FMO5: variants seen among roughly 807,000 people sequenced by gnomAD.
FMO5 encodes flavin containing dimethylaniline monoxygenase 5, also known as flavin-containing monooxygenase 5.
In FMO5, 51 loss-of-function variants were observed where a neutral mutation model predicts 43.6. That is an observed-to-expected ratio of 1.17 (90% CI 0.93 to 1.48). FMO5 has a LOEUF of 1.48. Ranked by LOEUF, FMO5 falls within the 40% of genes most tolerant of loss-of-function variation. The pLI, the probability that FMO5 is intolerant of heterozygous loss-of-function variation, is 0.00. For missense variants in FMO5, 644 were observed against 643.0 expected, an observed-to-expected ratio of 1.00 and a Z score of -0.02; for synonymous variants, 187 against 216.5, an observed-to-expected ratio of 0.86 and a Z score of 1.20.
At chr1:147,204,426 C>G (rs1659597621) in intron 6 of FMO5, 1 of 1,183,540 alleles carries the variant, frequency 8.4e-7, no homozygotes, top group African/African-American at 1.5e-5. Flanking sequence ...ATTGTTTACA[C>G]ATTACAGAGG....
upstream of FMO5, among the ~76,000 whole-genome samples, chr1:147,226,735 A>C (rs1221607845): frequency 2.0e-5 from 3 of 152,210 alleles, no homozygotes; most frequent in Non-Finnish European, 2.9e-5. Context: ...GGACTTTTTC[A>C]TGAGAGGCAA....
chr1:147,214,459 C>A (rs1308200819), intron 3 of FMO5, among the ~76,000 whole-genome samples: 19 of 149,206 alleles, frequency 1.3e-4, no homozygotes, highest in African/African-American at 2.7e-4. Flanking sequence ...TGAAAAAAAA[C>A]AAAAAACAAA....
At chr1:147,218,555 T>G (rs1460795356) in intron 2 of FMO5, among the ~76,000 whole-genome samples, 1 of 152,144 alleles carries the variant, frequency 6.6e-6, no homozygotes, top group Non-Finnish European at 1.5e-5. Context: ...AGAATTTACC[T>G]TCCACACCAC....
intron 5 of FMO5, among the ~76,000 whole-genome samples, chr1:147,212,027 T>C (rs989170775): frequency 1.2e-4 from 19 of 152,206 alleles, no homozygotes; most frequent in African/African-American, 3.4e-4. Flanking sequence ...TGCTGGCCAA[T>C]TGAAGATCCT....
intron 3 of FMO5, among the ~76,000 whole-genome samples, chr1:147,214,117 T>A (rs1001607631): frequency 2.6e-5 from 4 of 152,284 alleles, no homozygotes; most frequent in Middle Eastern, 3.4e-3. Flanking sequence ...CACTATGTGC[T>A]TCTACGGGCC....
rs376305166 is a variant in FMO5 at position 147,212,431 on chromosome 1, C to T, written c.592G>A (p.Gly198Arg). ...VIIIGIGNSG[G>R]DLAVEISQTA... ...TGGCTAATCTCTACAGCCAGATCCCCTCCAGAATTCCCAATGCCAATTATA... is the reference window on the plus strand; with the variant it reads ...TGGCTAATCTCTACAGCCAGATCCCTTCCAGAATTCCCAATGCCAATTATA... The change falls in exon 5 of 9, where the codon GGG becomes AGG. Residue 198 changes from glycine (G) to arginine (R), a missense_variant. Coordinates refer to ENST00000254090, the MANE Select transcript of FMO5 (RefSeq NM_001461.4). 10 of 1,614,154 alleles carry T rather than the reference C, an allele frequency of 6.2e-6. No individual in the cohort carries two copies. Among genetic ancestry groups the T allele is most frequent in the Non-Finnish European group, 8.5e-6 (10 of 1,179,994 alleles).
Position 147,224,886 on chromosome 1 carries a change from T to C in FMO5, c.135+9A>G. On this transcript the variant is annotated intron_variant, in intron 2 of 8. Transcript: ENST00000254090. Reference sequence around the variant, plus strand: ...TTTCAAGTATTAAGGGACTAGGAGATGTATGTACCTGGAACCTCCAGAGCC... The same window carrying C: ...TTTCAAGTATTAAGGGACTAGGAGACGTATGTACCTGGAACCTCCAGAGCC... 1 of 1,613,356 alleles carries C rather than the reference T, an allele frequency of 6.2e-7. No individual in the cohort carries two copies.
chr1:147,185,489 C>T (rs916994263), downstream of FMO5, among the ~76,000 whole-genome samples: 5 of 152,026 alleles, frequency 3.3e-5, no homozygotes, highest in Non-Finnish European at 5.9e-5. Context: ...AAAGTAATAC[C>T]AGTTCTCAGT....
intron 6 of FMO5, chr1:147,204,190 G>T: frequency 1.5e-6 from 2 of 1,359,554 alleles, no homozygotes; most frequent in Non-Finnish European, 2.1e-6. Flanking sequence ...CTGTTATCAT[G>T]CCATCAAAAG....
intron 5 of FMO5, 150 bp downstream of exon 5, chr1:147,212,243 C>G: frequency 2.7e-6 from 2 of 733,942 alleles, no homozygotes; most frequent in Non-Finnish European, 2.2e-6. Flanking sequence ...ATGTTGCCAA[C>G]TGAGGTAATG....
upstream of FMO5, chr1:147,225,900 C>T (rs1663939022): frequency 6.6e-6 from 1 of 152,138 alleles, no homozygotes; most frequent in African/African-American, 2.4e-5. Context: ...TAAAGGCTTA[C>T]AACTTTAAGG....
At chr1:147,187,293 T>C (rs148161239) in intron 8 of FMO5, 48 bp from the exon 9 acceptor site, 69 of 1,402,332 alleles carry the variant, frequency 4.9e-5, no homozygotes, top group Middle Eastern at 3.7e-4. Context: ...ATTCAATCAG[T>C]CAGTCAATCA....
In FMO5 at chr1:147,213,388, T is replaced by C. The variant is rs868940730; in HGVS notation, c.407A>G (p.Lys136Arg). The change falls in exon 4 of 9, where the codon AAG becomes AGG. Residue 136 changes from lysine (K) to arginine (R), a missense_variant. Coordinates refer to ENST00000254090, the MANE Select transcript of FMO5 (RefSeq NM_001461.4). ...GACTCCATCAAAGACATTCATCTCC[T>C]TTTTCCCTTCAGATTCAGTGACCAC... ...WEVVTESEGK[K>R]EMNVFDGVMV... The C allele has an allele frequency of 6.2e-7, 1 of 1,612,610 alleles. No homozygotes were observed. Among genetic ancestry groups the C allele is most frequent in the Non-Finnish European group, 8.5e-7 (1 of 1,179,146 alleles).
intron 6 of FMO5, among the ~76,000 whole-genome samples, chr1:147,201,803 G>A (rs1203313652): frequency 6.6e-6 from 1 of 152,118 alleles, no homozygotes; most frequent in Non-Finnish European, 1.5e-5. Context: ...GATATGATAA[G>A]GCCACAGGTC....
Position 147,221,649 on chromosome 1 carries a change from G to T in FMO5, c.135+3246C>A, listed in dbSNP as rs1663031649. Among the ~76,000 whole-genome samples the T allele has an allele frequency of 2.0e-5, 3 of 152,168 alleles. No homozygotes were observed. The South Asian group carries it at 6.2e-4, about 31-fold the overall frequency. The stretch of plus-strand genomic sequence containing the variant: ...CTTTATGAGGTACTGATAAATGCAA[G>T]TCTGTATGTGTATTCCAAAAGTTCA... On this transcript the variant is annotated intron_variant, in intron 2 of 8. Coordinates refer to ENST00000254090, the MANE Select transcript of FMO5 (RefSeq NM_001461.4).
In FMO5 at chr1:147,186,862, G is replaced by C; in HGVS notation, c.*38C>G. 1 of 1,577,872 alleles carries C rather than the reference G, an allele frequency of 6.3e-7. No individual in the cohort carries two copies. Among genetic ancestry groups the C allele is most frequent in the South Asian group, 1.2e-5 (1 of 84,100 alleles). On this transcript the variant is annotated 3_prime_UTR_variant, in exon 9 of 9. Coordinates refer to ENST00000254090, the MANE Select transcript of FMO5 (RefSeq NM_001461.4). ...AGATTCTGAAGGCATCTGTAGATAA[G>C]CTTCCCAATGAAAAACAGGGCAGTG...
intron 3 of FMO5, among the ~76,000 whole-genome samples, chr1:147,214,311 T>C (rs1553924502): frequency 1.3e-5 from 2 of 151,862 alleles, no homozygotes; most frequent in African/African-American, 4.8e-5. Flanking sequence ...AATTAGTGGG[T>C]GTGGTGGCAC....
At chr1:147,208,760 T>C (rs1660556837) in intron 6 of FMO5, 92 bp downstream of exon 6, 2 of 1,030,358 alleles carry the variant, frequency 1.9e-6, no homozygotes, top group Non-Finnish European at 3.0e-6. Context: ...TCTTAATGTA[T>C]GGGTAGAGGT....
In FMO5 at chr1:147,208,987, G is replaced by A. The variant is rs143515661; in HGVS notation, c.695C>T (p.Ala232Val). Residue 232 changes from alanine to valine, a missense_variant, in exon 6 of 9, where the codon GCT (alanine) becomes GTT (valine). Physicochemically the swap from Ala to Val is moderately conservative, Grantham distance 64. Transcript: ENST00000254090. ...AAGTCGAGAAGAGAACAACACATCA[G>A]CAGGATATCCGTAGTCCCCTACACG... Reference protein sequence around the residue: ...LNRVGDYGYPADVLFSSRLTH... With the variant: ...LNRVGDYGYPVDVLFSSRLTH... 5.6e-6 allele frequency: 9 copies of A among 1,613,880 alleles called. No individual in the cohort carries two copies. The African/African-American group carries it at 1.2e-4, about 22-fold the overall frequency.
Sources: gnomAD v4.1 joint callset for allele counts (sites outside exome capture counted in the v4.1 genomes callset) on GRCh38, gnomAD v4.1.1 for gene constraint, MANE v1.5 for transcripts, NCBI Gene and HGNC (gene_info 2026-07-23, HGNC 2026-07-21) for gene names.